Variants in SHISA9 observed in about 807,000 individuals in gnomAD.
SHISA9 encodes the protein shisa family member 9.
Under a neutral mutation model 38.0 loss-of-function variants are expected in SHISA9, and 13 were observed. The ratio of observed to expected loss-of-function variants is 0.34; its 90% CI spans 0.22 to 0.54. SHISA9 has a LOEUF of 0.54. Ranked by LOEUF, SHISA9 falls within the 20% of genes least tolerant of loss-of-function variation. SHISA9 has a pLI of 0.91. For missense variants in SHISA9, 538 were observed against 575.8 expected (o/e 0.93, Z 0.67); for synonymous variants, 275 against 242.0 (o/e 1.14, Z -1.27).
At chr16:13,181,267 T>TTATATATATA (rs1156705123) in intron 2 of SHISA9, among the ~76,000 whole-genome samples, 8 of 80,096 alleles carry the variant, frequency 1.0e-4, no homozygotes, top group South Asian at 4.5e-4. Context: ...AAATAAAATT[T>TTATATATATA]TATATATATA....
the SHISA9 span, among the ~76,000 whole-genome samples, chr16:13,423,573 G>A: frequency 5.3e-5 from 8 of 152,038 alleles, no homozygotes; most frequent in African/African-American, 1.5e-4. Context: ...CATTTCCCCT[G>A]TATTATTTTT....
chr16:13,250,295 G>C, the SHISA9 span, among the ~76,000 whole-genome samples: 1 of 152,162 alleles, frequency 6.6e-6, no homozygotes, highest in African/African-American at 2.4e-5. Flanking sequence ...GGGTGGAGGA[G>C]TGGGGGCAGG....
chr16:13,367,712 G>GTGCACACACACA, the SHISA9 span, among the ~76,000 whole-genome samples: 1 of 104,640 alleles, frequency 9.6e-6, no homozygotes, highest in Non-Finnish European at 2.0e-5. Context: ...GCGCGCGCGC[G>GTGCACACACACA]CACACACACA....
chr16:12,920,459 A>G (rs1322042235), intron 2 of SHISA9, among the ~76,000 whole-genome samples: 3 of 152,254 alleles, frequency 2.0e-5, no homozygotes, highest in Admixed American at 2.0e-4. Flanking sequence ...AGTCAATAGT[A>G]ACTTACTTAA....
At chr16:13,019,934 T>TCC (rs1483054849) in intron 2 of SHISA9, among the ~76,000 whole-genome samples, 13 of 102,082 alleles carry the variant, frequency 1.3e-4, no homozygotes, top group Non-Finnish European at 2.1e-4. Context: ...TTTCTTTCTT[T>TCC]CTTTCTTTCT....
the SHISA9 span, among the ~76,000 whole-genome samples, chr16:13,352,699 A>AGCGGGGGGGG: frequency 1.5e-4 from 1 of 6,714 alleles, no homozygotes; most frequent in African/African-American, 3.4e-4. Context: ...AAGGGAGATA[A>AGCGGGGGGGG]GGGGGGGGGG....
chr16:13,532,548 C>G, the SHISA9 span, among the ~76,000 whole-genome samples: 2 of 80,668 alleles, frequency 2.5e-5, no homozygotes, highest in Non-Finnish European at 5.0e-5. Context: ...ATACTATGTG[C>G]GTGTGTGTAT....
chr16:13,277,727 G>A, the SHISA9 span, among the ~76,000 whole-genome samples: 3 of 151,578 alleles, frequency 2.0e-5, no homozygotes, highest in Admixed American at 6.6e-5. Context: ...CCACTTGGTC[G>A]CTGTTGGTTT....
rs74014603 is a variant in SHISA9 at position 13,190,647 on chromosome 16, C to T, written c.692-12747C>T. ...GTTGCAACTAGTTCTTCATGTATCCCGCCATGCTGCGGATCTGCCTCCTAC... is the reference window on the plus strand; with the variant it reads ...GTTGCAACTAGTTCTTCATGTATCCTGCCATGCTGCGGATCTGCCTCCTAC... On this transcript the variant is annotated intron_variant, in intron 2 of 4. Coordinates refer to ENST00000558583, the MANE Select transcript of SHISA9 (RefSeq NM_001145204.3). Among the ~76,000 whole-genome samples the T allele has an allele frequency of 1.3e-3, 191 of 152,302 alleles. 1 individual carries two copies. The highest frequency in any genetic ancestry group is 4.4e-3 in the African/African-American group (183 of 41,580).
At chr16:13,051,226 A>G (rs116531080) in intron 2 of SHISA9, among the ~76,000 whole-genome samples, 9,581 of 152,268 alleles carry the variant, frequency 0.063, 616 homozygotes, top group East Asian at 0.17. Context: ...GCAGAAGGCA[A>G]AAGAGGAGTA....
chr16:13,516,253 ACAC>A, the SHISA9 span, among the ~76,000 whole-genome samples: 1 of 152,232 alleles, frequency 6.6e-6, no homozygotes, highest in South Asian at 2.1e-4. Flanking sequence ...CCATGTTTGC[ACAC>A]AGGCAGGATT....
chr16:12,941,866 A>G (rs1204573171), intron 2 of SHISA9, among the ~76,000 whole-genome samples: 1 of 152,212 alleles, frequency 6.6e-6, no homozygotes, highest in Non-Finnish European at 1.5e-5. Context: ...AATTAAATAA[A>G]CAAATAAGTC....
chr16:13,219,210 G>A (rs2051199422), intron 4 of SHISA9, among the ~76,000 whole-genome samples: 1 of 152,198 alleles, frequency 6.6e-6, no homozygotes, highest in South Asian at 2.1e-4. Flanking sequence ...TGACTAGTTT[G>A]GCCGTGTGTC....
At chr16:13,546,660 C>A in the SHISA9 span, among the ~76,000 whole-genome samples, 1 of 152,158 alleles carries the variant, frequency 6.6e-6, no homozygotes, top group Middle Eastern at 3.2e-3. Context: ...GCCTATGAAG[C>A]CCTACATCAG....
At chr16:13,290,542 T>C in the SHISA9 span, among the ~76,000 whole-genome samples, 264 of 152,302 alleles carry the variant, frequency 1.7e-3, 2 homozygotes, top group Non-Finnish European at 1.7e-3. Flanking sequence ...TTTCCTGTTA[T>C]CCAGGATGAT....
At chr16:13,051,325 C>G (rs1325158044) in intron 2 of SHISA9, among the ~76,000 whole-genome samples, 2 of 152,192 alleles carry the variant, frequency 1.3e-5, no homozygotes, top group Non-Finnish European at 2.9e-5. Context: ...GAGACTTATT[C>G]ACTACCACAA....
chr16:12,991,524 T>C (rs1277910545), intron 2 of SHISA9, among the ~76,000 whole-genome samples: 1 of 152,180 alleles, frequency 6.6e-6, no homozygotes, highest in East Asian at 1.9e-4. Context: ...GGAGTGTGAA[T>C]TGAAAACAGA....
intron 2 of SHISA9, among the ~76,000 whole-genome samples, chr16:13,189,431 T>C (rs1353003730): frequency 1.3e-5 from 2 of 152,232 alleles, no homozygotes; most frequent in Non-Finnish European, 2.9e-5. Context: ...AATCCTGATG[T>C]TGTTACAACA....
intron 2 of SHISA9, among the ~76,000 whole-genome samples, chr16:13,137,464 T>G (rs1038705592): frequency 6.6e-6 from 1 of 151,804 alleles, no homozygotes; most frequent in Non-Finnish European, 1.5e-5. Context: ...TCTTTTTATT[T>G]TTTTTTTTTT....
Sources: allele counts gnomAD v4.1 joint callset (sites outside exome capture counted in the v4.1 genomes callset), GRCh38; gene constraint gnomAD v4.1.1; transcripts MANE v1.5; gene names NCBI Gene and HGNC (gene_info 2026-07-23, HGNC 2026-07-21).